The following FHIT variants were observed in gnomAD, a reference collection of about 807,000 sequenced individuals.
The protein encoded by FHIT is fragile histidine triad diadenosine triphosphatase.
A neutral mutation model predicts 17.9 loss-of-function variants in FHIT; 19 were observed. That is an observed-to-expected ratio of 1.06 (90% confidence interval 0.74 to 1.56). FHIT has a LOEUF of 1.56. Ranked by LOEUF, FHIT falls within the 40% of genes most tolerant of loss-of-function variation. The probability of loss-of-function intolerance (pLI) is 0.00; values close to 1 mark genes in which losing one functional copy is unlikely to be tolerated. For synonymous variants in FHIT, 81 were observed against 69.7 expected (o/e 1.16, Z -0.81); for missense variants, 248 against 189.2 (o/e 1.31, Z -1.82).
chr3:61,031,470 T>C (rs1423559955), intron 3 of FHIT, among the ~76,000 whole-genome samples: 1 of 152,208 alleles, frequency 6.6e-6, no homozygotes, highest in East Asian at 1.9e-4. Context: ...GATTACTTTA[T>C]AGAGAGAAAG....
chr3:61,151,252 G>A (rs1036830330), intron 2 of FHIT, among the ~76,000 whole-genome samples: 1 of 152,156 alleles, frequency 6.6e-6, no homozygotes, highest in Non-Finnish European at 1.5e-5. Flanking sequence ...ATTTCAAGAT[G>A]AGAGGTATTC....
chr3:60,712,726 A>C (rs1553705484), intron 4 of FHIT, among the ~76,000 whole-genome samples: 1 of 149,128 alleles, frequency 6.7e-6, no homozygotes. Flanking sequence ...AGAAGAGCTA[A>C]CTATCCTAAA....
chr3:61,186,652 C>T (rs986195672), intron 2 of FHIT, among the ~76,000 whole-genome samples: 4 of 152,158 alleles, frequency 2.6e-5, no homozygotes, highest in African/African-American at 9.7e-5. Context: ...GAGGGTCAAC[C>T]ACTTCCTGGC....
chr3:60,057,048 T>C (rs1015696093), intron 5 of FHIT, among the ~76,000 whole-genome samples: 4 of 152,062 alleles, frequency 2.6e-5, no homozygotes, highest in African/African-American at 9.7e-5. Context: ...GAGGAACACA[T>C]CCACTATTAT....
chr3:60,071,438 G>C (rs1371398438), intron 5 of FHIT, among the ~76,000 whole-genome samples: 1 of 152,144 alleles, frequency 6.6e-6, no homozygotes. Context: ...AACCGTGTCT[G>C]TATTGGCCTC....
intron 5 of FHIT, among the ~76,000 whole-genome samples, chr3:60,270,837 A>G (rs536713983): frequency 1.3e-5 from 2 of 152,338 alleles, no homozygotes; most frequent in East Asian, 3.9e-4. Flanking sequence ...CAAGGATTTT[A>G]TCCTTCCAGA....
At chr3:59,839,077 G>T (rs1701437645) in intron 8 of FHIT, among the ~76,000 whole-genome samples, 2 of 152,102 alleles carry the variant, frequency 1.3e-5, no homozygotes, top group Admixed American at 6.5e-5. Flanking sequence ...AGCATTTTGG[G>T]AGGCCGAGGC....
chr3:61,204,120 T>G (rs934119841), intron 1 of FHIT, among the ~76,000 whole-genome samples: 1 of 152,230 alleles, frequency 6.6e-6, no homozygotes, highest in South Asian at 2.1e-4. Context: ...ATTCTATTTG[T>G]ATAACATTCA....
chr3:59,961,393 C>T (rs1243095615), intron 7 of FHIT, among the ~76,000 whole-genome samples: 1 of 152,128 alleles, frequency 6.6e-6, no homozygotes, highest in Non-Finnish European at 1.5e-5. Context: ...GAAAAAAATA[C>T]TTCATTTCGC....
chr3:60,841,851 G>C (rs907489567), intron 3 of FHIT, among the ~76,000 whole-genome samples: 12 of 151,936 alleles, frequency 7.9e-5, no homozygotes, highest in South Asian at 4.2e-4. Context: ...AACTGAGAAG[G>C]CTACTAAATA....
intron 3 of FHIT, among the ~76,000 whole-genome samples, chr3:60,971,825 A>G (rs1710032866): frequency 6.6e-6 from 1 of 152,172 alleles, no homozygotes; most frequent in Admixed American, 6.5e-5. Context: ...ACACTTTTAA[A>G]ACATTTATTA....
chr3:59,903,458 T>C (rs2107093179), intron 8 of FHIT, among the ~76,000 whole-genome samples: 1 of 152,320 alleles, frequency 6.6e-6, no homozygotes, highest in African/African-American at 2.4e-5. Flanking sequence ...AATAAAGCTG[T>C]TACTATATGG....
intron 5 of FHIT, among the ~76,000 whole-genome samples, chr3:60,017,378 C>A (rs1361237418): frequency 6.6e-6 from 1 of 152,158 alleles, no homozygotes; most frequent in Non-Finnish European, 1.5e-5. Context: ...CTTGCCTGAA[C>A]TGGAGGAAGT....
chr3:60,353,700 T>C (rs1053108212), intron 5 of FHIT, among the ~76,000 whole-genome samples: 2 of 152,098 alleles, frequency 1.3e-5, no homozygotes, highest in Non-Finnish European at 2.9e-5. Flanking sequence ...GCCAACTCTT[T>C]AGAAATGATA....
chr3:61,078,810 T>C (rs1428434700), intron 2 of FHIT, among the ~76,000 whole-genome samples: 1 of 152,206 alleles, frequency 6.6e-6, no homozygotes, highest in Non-Finnish European at 1.5e-5. Flanking sequence ...ATTCAGATAC[T>C]TTATTAACAA....
chr3:60,561,247 C>T (rs2036935230), intron 4 of FHIT, among the ~76,000 whole-genome samples: 1 of 151,912 alleles, frequency 6.6e-6, no homozygotes, highest in Non-Finnish European at 1.5e-5. Context: ...GAAATGTGGG[C>T]CAAACCCATT....
intron 5 of FHIT, among the ~76,000 whole-genome samples, chr3:60,258,552 A>AAT (rs778584669): frequency 2.4e-4 from 35 of 148,926 alleles, no homozygotes; most frequent in Non-Finnish European, 4.5e-4. Context: ...ATTACTTTAA[A>AAT]ATATTAAATT....
chr3:60,710,072 G>C (rs1467485711), intron 4 of FHIT, among the ~76,000 whole-genome samples: 1 of 104,656 alleles, frequency 9.6e-6, no homozygotes, highest in Non-Finnish European at 1.9e-5. Context: ...CACACAGAAT[G>C]CTAAAAAAAA....
intron 5 of FHIT, among the ~76,000 whole-genome samples, chr3:60,028,345 C>G (rs142847270): frequency 6.6e-6 from 1 of 152,316 alleles, no homozygotes; most frequent in East Asian, 1.9e-4. Flanking sequence ...CACATTAACT[C>G]TGGGTCATTG....
Sources: allele counts gnomAD v4.1 joint callset (sites outside exome capture counted in the v4.1 genomes callset), GRCh38; gene constraint gnomAD v4.1.1; transcripts MANE v1.5; gene names NCBI Gene and HGNC (gene_info 2026-07-23, HGNC 2026-07-21).